Variants in DDX6 observed in about 807,000 individuals in gnomAD.
DDX6 encodes the protein probable ATP-dependent RNA helicase DDX6.
Under a neutral mutation model 60.6 loss-of-function variants are expected in DDX6, and 7 were observed. The observed-to-expected ratio is 0.12, with a 90% CI of 0.07 to 0.22. The LOEUF (loss-of-function observed/expected upper bound fraction) is 0.22. Among genes scored for constraint, DDX6 ranks in the 10% least tolerant of loss-of-function variants. DDX6 has a pLI of 1.00. For missense variants in DDX6, 270 were observed against 589.9 expected (o/e 0.46, Z 5.62); for synonymous variants, 207 against 201.0 (o/e 1.03, Z -0.25).
chr11:118,765,736 T>C (rs1214783231), intron 5 of DDX6, among the ~76,000 whole-genome samples: 1 of 149,584 alleles, frequency 6.7e-6, no homozygotes, highest in East Asian at 2.0e-4. Flanking sequence ...ATCGCGCCAC[T>C]GCACTCCAGC....
At chr11:118,774,062 C>G (rs1861621424) in intron 4 of DDX6, among the ~76,000 whole-genome samples, 1 of 152,114 alleles carries the variant, frequency 6.6e-6, no homozygotes, top group Non-Finnish European at 1.5e-5. Flanking sequence ...TTGTTGCCAA[C>G]AGTACGGAGC....
intron 4 of DDX6, among the ~76,000 whole-genome samples, chr11:118,773,214 T>G (rs1203069841): frequency 6.6e-6 from 1 of 152,156 alleles, no homozygotes; most frequent in Non-Finnish European, 1.5e-5. Context: ...CCCAACTAGC[T>G]GCATTTACAC....
chr11:118,785,368 TAAA>T (rs1017109111), intron 2 of DDX6, among the ~76,000 whole-genome samples: 4 of 152,058 alleles, frequency 2.6e-5, no homozygotes, highest in African/African-American at 9.6e-5. Flanking sequence ...GGAAAAAAAT[TAAA>T]AATTTTTTTT....
At chr11:118,764,210 T>C (rs1282026541) in intron 6 of DDX6, among the ~76,000 whole-genome samples, 3 of 152,210 alleles carry the variant, frequency 2.0e-5, no homozygotes, top group Non-Finnish European at 2.9e-5. Flanking sequence ...TTATCATATA[T>C]AATATTCTAA....
intron 2 of DDX6, among the ~76,000 whole-genome samples, chr11:118,783,198 G>A (rs981781305): frequency 4.6e-5 from 7 of 152,102 alleles, no homozygotes; most frequent in African/African-American, 1.7e-4. Context: ...TTGAAGAACC[G>A]CAGAACTGAA....
intron 6 of DDX6, among the ~76,000 whole-genome samples, chr11:118,764,665 G>A (rs1467386389): frequency 2.6e-5 from 4 of 151,932 alleles, no homozygotes; most frequent in Admixed American, 1.3e-4. Context: ...TTAGCCTGGC[G>A]TGGTAGCGGG....
intron 11 of DDX6, among the ~76,000 whole-genome samples, chr11:118,755,963 A>G (rs1565560566): frequency 6.7e-6 from 1 of 149,826 alleles, no homozygotes; most frequent in Non-Finnish European, 1.5e-5. Flanking sequence ...GGTTTCAGAG[A>G]GCCAAGATCG....
At chr11:118,782,426 A>G (rs547159531) in intron 2 of DDX6, among the ~76,000 whole-genome samples, 37 of 151,976 alleles carry the variant, frequency 2.4e-4, no homozygotes, top group Admixed American at 5.2e-4. Flanking sequence ...AAAAAAAAAG[A>G]TCAGGGAACA....
At chr11:118,775,405 G>C (rs1231369665) in intron 4 of DDX6, among the ~76,000 whole-genome samples, 4 of 152,066 alleles carry the variant, frequency 2.6e-5, no homozygotes, top group Non-Finnish European at 5.9e-5. Flanking sequence ...TTTTTTACTA[G>C]GGGATCTGTA....
At position 118,750,423 on chromosome 11, in the gene DDX6, G is replaced by C. The variant is rs1325308556; in HGVS notation, c.*1682C>G. On this transcript the variant is annotated 3_prime_UTR_variant, in exon 14 of 14. Transcript: ENST00000534980. Reference sequence around the variant, plus strand: ...TGCAAAATGACAGGTAACAATTCTTGTCACAATGCAAGAGAATGGCAAGCA... The same window carrying C: ...TGCAAAATGACAGGTAACAATTCTTCTCACAATGCAAGAGAATGGCAAGCA... The C allele has an allele frequency of 1.3e-5, 2 of 152,086 alleles. No homozygotes were observed. The highest frequency in any genetic ancestry group is 2.9e-5 in the Non-Finnish European group (2 of 68,022). 9.4% of individuals were successfully genotyped at this position (152,086 alleles called of 1,614,324 possible).
chr11:118,763,426 G>T, intron 6 of DDX6, 120 bp from the exon 7 acceptor site: 1 of 769,210 alleles, frequency 1.3e-6, no homozygotes, highest in Non-Finnish European at 2.2e-6. Flanking sequence ...GCATTGCTAT[G>T]TGATGGTATA....
Position 118,756,330 on chromosome 11 carries a change from G to C in DDX6, c.1111-7C>G, listed in dbSNP as rs782354421. On this transcript the variant is annotated splice_region_variant and splice_polypyrimidine_tract_variant and intron_variant, in intron 10 of 13. Transcript: ENST00000534980. Reference sequence around the variant, plus strand: ...ATACACGATTTCGATGTTCCTAGGAGAAAGCAATGTATTCCATTTGATTAA... The same window carrying C: ...ATACACGATTTCGATGTTCCTAGGACAAAGCAATGTATTCCATTTGATTAA... The C allele has an allele frequency of 1.6e-5, 26 of 1,610,744 alleles. No individual in the cohort carries two copies. Among genetic ancestry groups the C allele is most frequent in the African/African-American group, 2.7e-5 (2 of 74,842 alleles).
chr11:118,771,161 A>T (rs188019373), intron 4 of DDX6, among the ~76,000 whole-genome samples: 4 of 152,258 alleles, frequency 2.6e-5, no homozygotes, highest in African/African-American at 7.2e-5. Context: ...CACACTACTC[A>T]GTTTTACAGT....
At chr11:118,778,584 G>C (rs1380358853) in intron 4 of DDX6, among the ~76,000 whole-genome samples, 1 of 152,178 alleles carries the variant, frequency 6.6e-6, no homozygotes, top group East Asian at 1.9e-4. Flanking sequence ...GGTTGGAGGA[G>C]GAGGGTGGCC....
At chr11:118,761,073 G>C (rs1861149751) in intron 7 of DDX6, among the ~76,000 whole-genome samples, 1 of 151,996 alleles carries the variant, frequency 6.6e-6, no homozygotes, top group Admixed American at 6.6e-5. Flanking sequence ...CTGGGAGATG[G>C]AGGTTGCAGT....
chr11:118,757,426 T>G (rs1370858127), intron 9 of DDX6, 139 bp from the exon 10 acceptor site: 1 of 493,154 alleles, frequency 2.0e-6, no homozygotes, highest in Admixed American at 4.1e-5. Flanking sequence ...AGAGAGATGG[T>G]AAATTGTAAA....
intron 5 of DDX6, among the ~76,000 whole-genome samples, chr11:118,765,713 G>A (rs1174954255): frequency 6.6e-6 from 1 of 151,806 alleles, no homozygotes; most frequent in East Asian, 1.9e-4. Flanking sequence ...GGCAGAGGCT[G>A]CAGTGAGGCA....
At chr11:118,758,403 TGC>T (rs1555159456) in intron 9 of DDX6, among the ~76,000 whole-genome samples, 14 of 152,118 alleles carry the variant, frequency 9.2e-5, no homozygotes, top group South Asian at 6.2e-4. Context: ...GACGGAGTCT[TGC>T]TCTGTCGCCC....
rs541985845 is a variant in DDX6 at position 118,773,533 on chromosome 11, C to G, written c.370-5181G>C. Among the ~76,000 whole-genome samples the G allele has an allele frequency of 1.7e-3, 261 of 152,278 alleles. 1 individual carries two copies. The highest frequency in any genetic ancestry group is 5.8e-3 in the African/African-American group (240 of 41,532). Reference sequence around the variant, plus strand: ...CTTGCAGTGAGCCAAGATTGCACCACTGCACTCCAGCCTGGGCGACAGAGC... The same window carrying G: ...CTTGCAGTGAGCCAAGATTGCACCAGTGCACTCCAGCCTGGGCGACAGAGC... On this transcript the variant is annotated intron_variant, in intron 4 of 13. Transcript: ENST00000534980.
Sources: gnomAD v4.1 joint callset for allele counts (sites outside exome capture counted in the v4.1 genomes callset) on GRCh38, gnomAD v4.1.1 for gene constraint, MANE v1.5 for transcripts, NCBI Gene and HGNC (gene_info 2026-07-23, HGNC 2026-07-21) for gene names.